Variants in FAM107B observed in about 807,000 individuals in gnomAD.
FAM107B encodes protein FAM107B.
A neutral mutation model predicts 31.5 loss-of-function variants in FAM107B; 21 were observed. The observed-to-expected ratio is 0.67, with a 90% CI of 0.47 to 0.96. The LOEUF is 0.96. Ranked by LOEUF, FAM107B falls within the 40% of genes least tolerant of loss-of-function variation. The probability of loss-of-function intolerance (pLI) is 0.00; values close to 1 mark genes in which losing one functional copy is unlikely to be tolerated. For synonymous variants in FAM107B, 157 were observed against 141.5 expected, an observed-to-expected ratio of 1.11 and a Z score of -0.78; for missense variants, 452 against 377.1, an observed-to-expected ratio of 1.20 and a Z score of -1.64.
intron 2 of FAM107B, among the ~76,000 whole-genome samples, chr10:14,546,278 T>C (rs1848683558): frequency 6.6e-6 from 1 of 152,212 alleles, no homozygotes; most frequent in African/African-American, 2.4e-5. Flanking sequence ...GATTGGAGTC[T>C]GGTCCACTCT....
chr10:14,603,723 A>T (rs1459921631), intron 2 of FAM107B, among the ~76,000 whole-genome samples: 8 of 151,204 alleles, frequency 5.3e-5, no homozygotes. Context: ...GCAAAAGAGG[A>T]AAAGTTACTT....
intron 1 of FAM107B, among the ~76,000 whole-genome samples, chr10:14,726,537 T>G (rs1225067091): frequency 6.6e-6 from 1 of 152,166 alleles, no homozygotes; most frequent in Non-Finnish European, 1.5e-5. Context: ...GGCTAAATTT[T>G]GGGGGTAATA....
intron 1 of FAM107B, among the ~76,000 whole-genome samples, chr10:14,690,270 T>G (rs968628440): frequency 1.9e-4 from 29 of 152,188 alleles, no homozygotes; most frequent in African/African-American, 6.3e-4. Flanking sequence ...TTCAGGTCAC[T>G]GAAGATCAAG....
At chr10:14,533,022 G>C (rs1170737313) in intron 2 of FAM107B, among the ~76,000 whole-genome samples, 2 of 152,166 alleles carry the variant, frequency 1.3e-5, no homozygotes, top group African/African-American at 4.8e-5. Context: ...GGGATGGTGA[G>C]GATATAGAGC....
intron 2 of FAM107B, chr10:14,604,226 G>A (rs1172303362): frequency 3.1e-6 from 3 of 979,794 alleles, no homozygotes; most frequent in Non-Finnish European, 3.6e-6. Flanking sequence ...AGTAAGTGCG[G>A]GAGGCGAACC....
chr10:14,618,218 A>G (rs75708444), intron 2 of FAM107B, among the ~76,000 whole-genome samples: 2,175 of 152,230 alleles, frequency 0.014, 33 homozygotes, highest in Non-Finnish European at 0.017. Flanking sequence ...AGATTTCTCT[A>G]TGTTCTTGGG....
chr10:14,578,539 G>C (rs1358073959), intron 2 of FAM107B, among the ~76,000 whole-genome samples: 1 of 152,154 alleles, frequency 6.6e-6, no homozygotes, highest in Non-Finnish European at 1.5e-5. Flanking sequence ...CCGAGAGAGG[G>C]GACCTTGCCA....
chr10:14,671,893 C>CAAAA (rs1190652363), intron 1 of FAM107B, among the ~76,000 whole-genome samples: 1 of 123,078 alleles, frequency 8.1e-6, no homozygotes, highest in African/African-American at 3.1e-5. Context: ...AACAAAAAAA[C>CAAAA]AAAAAAAAAA....
chr10:14,609,095 G>A (rs1852664276), intron 2 of FAM107B, among the ~76,000 whole-genome samples: 1 of 152,098 alleles, frequency 6.6e-6, no homozygotes, highest in African/African-American at 2.4e-5. Context: ...ATTTGTTTTT[G>A]GTTTAAATAA....
At chr10:14,700,848 AAAAAC>A in intron 1 of FAM107B, among the ~76,000 whole-genome samples, 1 of 149,778 alleles carries the variant, frequency 6.7e-6, no homozygotes, top group Non-Finnish European at 1.5e-5. Context: ...AAAAAAAAAA[AAAAAC>A]GCACTAGGGT....
rs531537807 is a variant in FAM107B, at chr10:14,583,975, G to A, written c.470-53460C>T. 2.2e-3 allele frequency among the ~76,000 whole-genome samples: 334 copies of A among 152,334 alleles called. 1 individual carries two copies. Among genetic ancestry groups the A allele is most frequent in the Non-Finnish European group, 3.6e-3 (247 of 68,036 alleles). On this transcript the variant is annotated intron_variant, in intron 2 of 4. Coordinates refer to ENST00000181796, the MANE Select transcript of FAM107B (RefSeq NM_031453.4). ...CAAGTCTTAGGAAAGAGGGTTTTGA[G>A]TTCAGGAAGTGTGGGACTAAAATGA...
rs371379135 is a variant in FAM107B, at chr10:14,574,987, AAC to A, written c.470-44474_470-44473del. Among the ~76,000 whole-genome samples, 333 of 152,312 alleles carry A rather than the reference AAC, an allele frequency of 2.2e-3. 1 individual carries two copies. The highest frequency in any genetic ancestry group is 7.5e-3 in the African/African-American group (312 of 41,566). On this transcript the variant is annotated intron_variant, in intron 2 of 4. Coordinates refer to ENST00000181796, the MANE Select transcript of FAM107B (RefSeq NM_031453.4). The stretch of plus-strand genomic sequence containing the variant: ...GAAAAGAAATATGACCTCCTTTATT[AAC>A]AGTCTTTCATACTGACCTTTAATGA...
chr10:14,716,982 C>A (rs1026162454), intron 1 of FAM107B, among the ~76,000 whole-genome samples: 1 of 151,910 alleles, frequency 6.6e-6, no homozygotes, highest in Non-Finnish European at 1.5e-5. Flanking sequence ...CCCAGCTACT[C>A]GGGAGGCTGA....
At chr10:14,589,351 T>G (rs988163496) in intron 2 of FAM107B, among the ~76,000 whole-genome samples, 1 of 152,130 alleles carries the variant, frequency 6.6e-6, no homozygotes, top group African/African-American at 2.4e-5. Context: ...ATCTGAAAGC[T>G]TTTTCAAATA....
At chr10:14,703,648 G>A (rs1855455913) in intron 1 of FAM107B, among the ~76,000 whole-genome samples, 1 of 152,080 alleles carries the variant, frequency 6.6e-6, no homozygotes, top group Non-Finnish European at 1.5e-5. Flanking sequence ...GTCTTCTTAA[G>A]TTTGAAAAAC....
chr10:14,630,247 A>G (rs1005024017), intron 2 of FAM107B, among the ~76,000 whole-genome samples: 6 of 148,672 alleles, frequency 4.0e-5, no homozygotes, highest in African/African-American at 1.5e-4. Context: ...ATGCTTATGC[A>G]GTTCACTATG....
At chr10:14,767,045 TATATATATATAGAGAGAGAGAGAGAGAG>T (rs1391645508) in intron 1 of FAM107B, among the ~76,000 whole-genome samples, 2 of 39,032 alleles carry the variant, frequency 5.1e-5, no homozygotes, top group African/African-American at 1.5e-4. Flanking sequence ...TATATATATA[TATATATATATAGAGAGAGAGAGAGAGAG>T]AGAGAGAGAG....
rs969795859 is a variant in FAM107B at position 14,672,150 on chromosome 10, G to A, written c.412-4459C>T. Among the ~76,000 whole-genome samples, 31 of 150,916 alleles carry A rather than the reference G, an allele frequency of 2.1e-4. No individual in the cohort carries two copies. The East Asian group carries it at 4.9e-3, about 24-fold the overall frequency. ...TCTTGCTCTGTTGCCCAGCAGTGGC[G>A]TGATCTCGGCTCACTGCAGCCTCCA... is the stretch of plus-strand genomic sequence containing the variant. On this transcript the variant is annotated intron_variant, in intron 1 of 4. Coordinates refer to ENST00000181796, the MANE Select transcript of FAM107B (RefSeq NM_031453.4).
intron 2 of FAM107B, among the ~76,000 whole-genome samples, chr10:14,643,145 T>A (rs535413424): frequency 7.0e-6 from 1 of 142,990 alleles, no homozygotes; most frequent in Non-Finnish European, 1.5e-5. Flanking sequence ...AGCTTTATTA[T>A]AAGGAATTAG....
Sources: gnomAD v4.1 joint callset for allele counts (sites outside exome capture counted in the v4.1 genomes callset) on GRCh38, gnomAD v4.1.1 for gene constraint, MANE v1.5 for transcripts, NCBI Gene and HGNC (gene_info 2026-07-23, HGNC 2026-07-21) for gene names.